The following NCOA2 variants were observed in gnomAD, a reference collection of about 807,000 sequenced individuals.
NCOA2 encodes the protein nuclear receptor coactivator 2, also known as class E basic helix-loop-helix protein 75.
NCOA2 carries 21 observed loss-of-function variants against 145.1 expected under a neutral mutation model. That is an observed-to-expected ratio of 0.14 (90% confidence interval 0.10 to 0.21). The LOEUF (loss-of-function observed/expected upper bound fraction) is 0.21. Ranked by LOEUF, NCOA2 falls within the 10% of genes least tolerant of loss-of-function variation. The pLI is 1.00. For missense variants in NCOA2, 1,472 were observed against 1,837.6 expected, an observed-to-expected ratio of 0.80 and a Z score of 3.64; for synonymous variants, 619 against 637.5, an observed-to-expected ratio of 0.97 and a Z score of 0.44.
Position 70,162,827 on chromosome 8 carries a change from G to T in NCOA2, c.860C>A (p.Thr287Asn). 1 of 1,613,770 alleles carries T rather than the reference G, an allele frequency of 6.2e-7. No homozygotes were observed. Among genetic ancestry groups the T allele is most frequent in the Non-Finnish European group, 8.5e-7 (1 of 1,179,840 alleles). Residue 287 changes from threonine (T) to asparagine (N), a missense_variant, in exon 9 of 23, where the codon ACC becomes AAC. Around this residue, in one of 4 missense-constraint regions of NCOA2, gnomAD observed 284 missense variants for 467.8 expected, o/e 0.61. Coordinates refer to ENST00000452400, the MANE Select transcript of NCOA2 (RefSeq NM_006540.4). The part of the protein sequence containing the change: ...QGKITSLDTS[T>N]MRAAMKPGWE... ...GCCTGGTTTCATGGCTGCTCTCATG[G>T]TGCTGGTATCCAGAGACGTGATCTT... is the stretch of plus-strand genomic sequence containing the variant.
intron 13 of NCOA2, 30 bp from the exon 14 acceptor site, chr8:70,141,429 T>C (rs1232777270): frequency 1.3e-6 from 2 of 1,558,232 alleles, no homozygotes; most frequent in Non-Finnish European, 1.8e-6. Flanking sequence ...AACTGAGAGA[T>C]GCAGTAACTG....
Position 70,352,293 on chromosome 8 carries a change from GA to G in NCOA2, c.-77+51406del, listed in dbSNP as rs1351288121. ...TGAGGAATTTGAAGCTCAGAGTGCT[GA>G]AAAAAATTGCCCAATGTCCAGAAGT... On this transcript the variant is annotated intron_variant, in intron 1 of 22. Coordinates refer to ENST00000452400, the MANE Select transcript of NCOA2 (RefSeq NM_006540.4). Among the ~76,000 whole-genome samples, 4 of 152,086 alleles carry G rather than the reference GA, an allele frequency of 2.6e-5. No individual in the cohort carries two copies. In the East Asian group the frequency reaches 5.8e-4, roughly 22 times the overall value.
the NCOA2 span, among the ~76,000 whole-genome samples, chr8:70,425,047 G>A: frequency 5.3e-5 from 8 of 152,130 alleles, no homozygotes; most frequent in Non-Finnish European, 7.4e-5. Flanking sequence ...ACTCCTACTT[G>A]TACATTAACA....
At chr8:70,162,597 G>T in intron 9 of NCOA2, 114 bp downstream of exon 9, 1 of 1,109,618 alleles carries the variant, frequency 9.0e-7, no homozygotes, top group Non-Finnish European at 1.2e-6. Flanking sequence ...GGCCAGATGA[G>T]ACAGCTCACG....
At chr8:70,397,749 ACCT>A (rs1429521607) in intron 1 of NCOA2, among the ~76,000 whole-genome samples, 1 of 152,236 alleles carries the variant, frequency 6.6e-6, no homozygotes, top group African/African-American at 2.4e-5. Flanking sequence ...AAATATTCAT[ACCT>A]TCATTACATG....
chr8:70,421,954 G>A, the NCOA2 span, among the ~76,000 whole-genome samples: 7 of 152,042 alleles, frequency 4.6e-5, no homozygotes, highest in African/African-American at 1.7e-4. Context: ...AATTAGTCAG[G>A]TGTGGTGGAG....
At chr8:70,246,206 G>GCA (rs2134593945) in intron 2 of NCOA2, among the ~76,000 whole-genome samples, 2 of 152,136 alleles carry the variant, frequency 1.3e-5, no homozygotes, top group East Asian at 3.9e-4. Context: ...ACAAGTAGAA[G>GCA]CACCAGATCA....
chr8:70,160,682 G>GAGAGAGAGAGAGAGAGAGAGGGA (rs371258460), intron 9 of NCOA2, among the ~76,000 whole-genome samples: 1 of 58,300 alleles, frequency 1.7e-5, no homozygotes, highest in African/African-American at 4.2e-5. Flanking sequence ...AGAGAGAGAG[G>GAGAGAGAGAGAGAGAGAGAGGGA]GAGAGAGAGA....
At chr8:70,255,100 A>C (rs1823525899) in intron 2 of NCOA2, among the ~76,000 whole-genome samples, 1 of 152,210 alleles carries the variant, frequency 6.6e-6, no homozygotes, top group African/African-American at 2.4e-5. Flanking sequence ...ATTACCTCTG[A>C]CCCATAAGGA....
chr8:70,441,795 A>T, the NCOA2 span, among the ~76,000 whole-genome samples: 3 of 16,682 alleles, frequency 1.8e-4, no homozygotes, highest in Non-Finnish European at 7.9e-4. Context: ...AAAGAAAGAA[A>T]GAAAGAAAGA....
chr8:70,372,361 T>C lies in NCOA2; in HGVS notation c.-77+31339A>G, dbSNP rs551428003. Among the ~76,000 whole-genome samples the C allele has an allele frequency of 7.9e-5, 12 of 152,328 alleles. No individual in the cohort carries two copies. In the South Asian group the frequency reaches 2.5e-3, roughly 32 times the overall value. On this transcript the variant is annotated intron_variant, in intron 1 of 22. Coordinates refer to ENST00000452400, the MANE Select transcript of NCOA2 (RefSeq NM_006540.4). Reference sequence around the variant, plus strand: ...TAGTACAGAAATTAGAATTTAATGCTTTAACATGTTCAGAAGTGCTGAGAT... The same window carrying C: ...TAGTACAGAAATTAGAATTTAATGCCTTAACATGTTCAGAAGTGCTGAGAT...
intron 1 of NCOA2, among the ~76,000 whole-genome samples, chr8:70,383,933 C>A (rs1335921035): frequency 6.6e-6 from 1 of 152,232 alleles, no homozygotes; most frequent in Non-Finnish European, 1.5e-5. Context: ...AAATATCTCA[C>A]CTTTCCCTGT....
At chr8:70,410,461 G>T in the NCOA2 span, among the ~76,000 whole-genome samples, 1 of 152,070 alleles carries the variant, frequency 6.6e-6, no homozygotes, top group African/African-American at 2.4e-5. Context: ...CTCCCAAGCA[G>T]CTGGGACTAC....
intron 1 of NCOA2, among the ~76,000 whole-genome samples, chr8:70,362,848 T>G (rs937239942): frequency 6.6e-6 from 1 of 151,498 alleles, no homozygotes; most frequent in African/African-American, 2.4e-5. Flanking sequence ...GAGGCCAAGG[T>G]GGGAGGACTG....
intron 1 of NCOA2, among the ~76,000 whole-genome samples, chr8:70,393,365 G>A (rs1459190247): frequency 3.3e-5 from 5 of 152,140 alleles, no homozygotes; most frequent in Admixed American, 1.3e-4. Context: ...CTCTATACAT[G>A]AGCTCCTGGT....
chr8:70,430,615 T>C, the NCOA2 span, among the ~76,000 whole-genome samples: 2 of 152,172 alleles, frequency 1.3e-5, no homozygotes, highest in African/African-American at 2.4e-5. Flanking sequence ...TTGGCTGTCA[T>C]GATAGGTTAG....
chr8:70,255,209 C>T (rs1823535834), intron 2 of NCOA2, among the ~76,000 whole-genome samples: 1 of 152,142 alleles, frequency 6.6e-6, no homozygotes. Flanking sequence ...TCACAACCAC[C>T]TGTTGTGTGC....
At chr8:70,136,260 G>A (rs1809722416) in intron 15 of NCOA2, among the ~76,000 whole-genome samples, 1 of 152,072 alleles carries the variant, frequency 6.6e-6, no homozygotes, top group Admixed American at 6.5e-5. Flanking sequence ...TACTCAGGAG[G>A]CTGAGGCAGG....
At chr8:70,378,374 G>A (rs1458878945) in intron 1 of NCOA2, among the ~76,000 whole-genome samples, 2 of 152,004 alleles carry the variant, frequency 1.3e-5, no homozygotes, top group Admixed American at 6.5e-5. Flanking sequence ...ACAGATGCTT[G>A]GCTCTAAATT....
Sources: allele counts gnomAD v4.1 joint callset (sites outside exome capture counted in the v4.1 genomes callset), GRCh38; gene constraint gnomAD v4.1.1; regional missense constraint gnomAD v4.1.1; transcripts MANE v1.5; gene names NCBI Gene and HGNC (gene_info 2026-07-23, HGNC 2026-07-21).